Variants in TBC1D5 observed in about 807,000 individuals in gnomAD.
TBC1D5 encodes the protein TBC1 domain family member 5, also known as TBC1 domain family, member 5.
A neutral mutation model predicts 100.3 loss-of-function variants in TBC1D5; 75 were observed. That is an observed-to-expected ratio of 0.75 (90% CI 0.62 to 0.91). The LOEUF is 0.91. Among genes scored for constraint, TBC1D5 ranks in the 40% least tolerant of loss-of-function variants. The pLI is 0.00. For synonymous variants in TBC1D5, 323 were observed against 325.6 expected (o/e 0.99, Z 0.09); for missense variants, 910 against 942.4 (o/e 0.97, Z 0.45).
chr3:17,592,946 A>G (rs1275469802), intron 2 of TBC1D5, among the ~76,000 whole-genome samples: 2 of 152,180 alleles, frequency 1.3e-5, no homozygotes, highest in Admixed American at 1.3e-4. Flanking sequence ...TGAACTGCCT[A>G]TTGTGAACTG....
At chr3:17,351,683 A>G (rs1043504403) in intron 13 of TBC1D5, among the ~76,000 whole-genome samples, 1 of 152,082 alleles carries the variant, frequency 6.6e-6, no homozygotes, top group African/African-American at 2.4e-5. Flanking sequence ...CCTATGTAAC[A>G]AACCTGCACG....
At chr3:17,273,271 A>ACCCTAC (rs1169965166) in intron 15 of TBC1D5, among the ~76,000 whole-genome samples, 1 of 151,760 alleles carries the variant, frequency 6.6e-6, no homozygotes, top group Non-Finnish European at 1.5e-5. Flanking sequence ...CTTCTTCTTG[A>ACCCTAC]CCCTACCATC....
chr3:17,247,424 A>G (rs1315141706), intron 16 of TBC1D5, among the ~76,000 whole-genome samples: 1 of 152,168 alleles, frequency 6.6e-6, no homozygotes, highest in Non-Finnish European at 1.5e-5. Context: ...CACTATGTCT[A>G]AAAAAAGGAA....
At chr3:17,276,817 C>A (rs963657016) in intron 15 of TBC1D5, among the ~76,000 whole-genome samples, 1 of 152,174 alleles carries the variant, frequency 6.6e-6, no homozygotes, top group African/African-American at 2.4e-5. Flanking sequence ...TGAGTTCTAG[C>A]CAATGGTATG....
intron 14 of TBC1D5, among the ~76,000 whole-genome samples, chr3:17,302,728 G>A (rs2082983987): frequency 6.6e-6 from 1 of 152,170 alleles, no homozygotes; most frequent in South Asian, 2.1e-4. Flanking sequence ...AGGAAGGCAT[G>A]TCATCACGGA....
intron 8 of TBC1D5, among the ~76,000 whole-genome samples, chr3:17,385,966 C>A (rs2093135765): frequency 6.6e-6 from 1 of 152,008 alleles, no homozygotes; most frequent in Admixed American, 6.6e-5. Context: ...AGGCAAGAAA[C>A]ACAAAAACTT....
chr3:17,331,797 A>G (rs1358442488), intron 13 of TBC1D5, among the ~76,000 whole-genome samples: 2 of 152,232 alleles, frequency 1.3e-5, no homozygotes, highest in African/African-American at 4.8e-5. Flanking sequence ...ATGGGTGGAT[A>G]GAGATGTTAA....
intron 1 of TBC1D5, among the ~76,000 whole-genome samples, chr3:17,667,649 G>A (rs529607705): frequency 7.9e-5 from 12 of 151,778 alleles, no homozygotes; most frequent in African/African-American, 2.2e-4. Flanking sequence ...ATGGAGTTTC[G>A]CCATGTTGCC....
chr3:17,326,388 T>C (rs2086139007), intron 13 of TBC1D5, among the ~76,000 whole-genome samples: 1 of 152,218 alleles, frequency 6.6e-6, no homozygotes, highest in Non-Finnish European at 1.5e-5. Context: ...AGCTTTTTAG[T>C]TGCATTTAGT....
intron 13 of TBC1D5, among the ~76,000 whole-genome samples, chr3:17,339,782 T>G (rs2088571234): frequency 6.6e-6 from 1 of 152,154 alleles, no homozygotes; most frequent in African/African-American, 2.4e-5. Flanking sequence ...TCCTTTTAAT[T>G]ATTAGTGAGG....
At chr3:17,411,083 CCA>C (rs1559828541) in intron 4 of TBC1D5, among the ~76,000 whole-genome samples, 1 of 151,990 alleles carries the variant, frequency 6.6e-6, no homozygotes, top group Non-Finnish European at 1.5e-5. Flanking sequence ...AAAGGAATTG[CCA>C]CAGTTACCCC....
intron 2 of TBC1D5, among the ~76,000 whole-genome samples, chr3:17,529,000 T>C (rs1323862077): frequency 6.6e-6 from 1 of 152,230 alleles, no homozygotes; most frequent in Non-Finnish European, 1.5e-5. Context: ...TGGATTAGTC[T>C]TGAAGCCTCT....
intron 2 of TBC1D5, chr3:17,575,136 G>T: frequency 6.6e-6 from 1 of 152,120 alleles, no homozygotes; most frequent in South Asian, 2.1e-4. Flanking sequence ...GACTAGCCTA[G>T]GCAATATTCT....
intron 1 of TBC1D5, among the ~76,000 whole-genome samples, chr3:17,701,957 G>A (rs2073281749): frequency 6.6e-6 from 1 of 151,854 alleles, no homozygotes; most frequent in East Asian, 1.9e-4. Context: ...AATTTCAAGA[G>A]CTAAAGATTC....
At chr3:17,536,652 C>T (rs2096284323) in intron 2 of TBC1D5, among the ~76,000 whole-genome samples, 1 of 152,136 alleles carries the variant, frequency 6.6e-6, no homozygotes, top group Non-Finnish European at 1.5e-5. Flanking sequence ...CCTGCAGTGG[C>T]TGGGTTATGG....
chr3:17,663,136 C>T (rs1487064417), intron 1 of TBC1D5: 3 of 151,902 alleles, frequency 2.0e-5, no homozygotes, highest in Non-Finnish European at 4.4e-5. Flanking sequence ...ATAGAAAATA[C>T]AGAATATAAG....
intron 17 of TBC1D5, among the ~76,000 whole-genome samples, chr3:17,237,397 A>G (rs1275334909): frequency 6.6e-6 from 1 of 152,222 alleles, no homozygotes; most frequent in Non-Finnish European, 1.5e-5. Context: ...AATAGGTGAA[A>G]AATAAAAATG....
chr3:17,621,428 C>T (rs572417284), intron 2 of TBC1D5, among the ~76,000 whole-genome samples: 3 of 152,100 alleles, frequency 2.0e-5, no homozygotes, highest in African/African-American at 7.2e-5. Context: ...AAAGCTGGGG[C>T]AAAACAGATA....
intron 2 of TBC1D5, among the ~76,000 whole-genome samples, chr3:17,574,290 A>C (rs888138194): frequency 6.6e-6 from 1 of 152,026 alleles, no homozygotes; most frequent in Non-Finnish European, 1.5e-5. Context: ...GGAGGGCCTC[A>C]TCTGTTCCCC....
Sources: gnomAD v4.1 joint callset for allele counts (sites outside exome capture counted in the v4.1 genomes callset) on GRCh38, gnomAD v4.1.1 for gene constraint, MANE v1.5 for transcripts, NCBI Gene and HGNC (gene_info 2026-07-23, HGNC 2026-07-21) for gene names.